CPE: variants seen among roughly 807,000 people sequenced by gnomAD.
CPE encodes the protein carbocypeptidase E.
A neutral mutation model predicts 53.5 loss-of-function variants in CPE; 17 were observed. The ratio of observed to expected loss-of-function variants is 0.32; its 90% CI spans 0.22 to 0.48. The LOEUF (loss-of-function observed/expected upper bound fraction) is 0.48, where lower values mean the gene tolerates loss of function less well. Ranked by LOEUF, CPE falls within the 20% of genes least tolerant of loss-of-function variation. The pLI is 0.99. For synonymous variants in CPE, 226 were observed against 228.8 expected (o/e 0.99, Z 0.11); for missense variants, 524 against 614.7 (o/e 0.85, Z 1.56).
chr4:165,434,542 A>T (rs1481466655), intron 1 of CPE, among the ~76,000 whole-genome samples: 1 of 152,272 alleles, frequency 6.6e-6, no homozygotes, highest in East Asian at 1.9e-4. Flanking sequence ...ACTAAATATT[A>T]TATACTCTTT....
In CPE at chr4:165,379,054, G is replaced by A; in HGVS notation, c.-168G>A. The A allele has an allele frequency of 1.9e-6, 1 of 520,364 alleles. No homozygotes were observed. Among genetic ancestry groups the A allele is most frequent in the Non-Finnish European group, 2.8e-6 (1 of 351,094 alleles). 32.2% of individuals were successfully genotyped at this position (520,364 alleles called of 1,614,324 possible). A position where few individuals can be genotyped will look rare whatever the true frequency, so the allele number is the denominator to read the frequency against. ...GCGGCTTTGCCCGTCTCCTCTGGGT[G>A]GCCCCAGTGCGCGGGCTGACACTCA... On this transcript the variant is annotated 5_prime_UTR_variant, in exon 1 of 9. Transcript: ENST00000402744. The surrounding 1 kb of genome is among the most constrained non-coding windows in gnomAD (Gnocchi z 6.0).
In CPE at chr4:165,379,834, G is replaced by C. The variant is rs149172328; in HGVS notation, c.307+306G>C. 2.1e-4 allele frequency among the ~76,000 whole-genome samples: 32 copies of C among 152,140 alleles called. No homozygotes were observed. Among genetic ancestry groups the C allele is most frequent in the African/African-American group, 7.5e-4 (31 of 41,404 alleles). ...AGGCTGGGGTGGCGGGGGATGGGGG[G>C]GATAGCAATACAGAAAAAACAAATC... On this transcript the variant is annotated intron_variant, in intron 1 of 8. Coordinates refer to ENST00000402744, the MANE Select transcript of CPE (RefSeq NM_001873.4). This position sits in a 1 kb window ranked among gnomAD's most constrained non-coding sequence, Gnocchi z 6.0.
At chr4:165,456,125 G>T (rs1016963983) in intron 1 of CPE, among the ~76,000 whole-genome samples, 2 of 152,152 alleles carry the variant, frequency 1.3e-5, no homozygotes, top group African/African-American at 4.8e-5. Flanking sequence ...TGTGAAGGTC[G>T]TCTTGTAGGA....
In CPE at chr4:165,434,047, A is replaced by C. The variant is rs547618480; in HGVS notation, c.308-30343A>C. On this transcript the variant is annotated intron_variant, in intron 1 of 8. Transcript: ENST00000402744. ...GCTCAACCTTCTGTCTTTAGCTTAAATGTTACCTTCTCAGGGAAACCTTCC... is the reference window on the plus strand; with the variant it reads ...GCTCAACCTTCTGTCTTTAGCTTAACTGTTACCTTCTCAGGGAAACCTTCC... Among the ~76,000 whole-genome samples the C allele has an allele frequency of 3.1e-3, 478 of 152,230 alleles. 3 individuals are homozygous for C. Among genetic ancestry groups the C allele is most frequent in the African/African-American group, 0.011 (459 of 41,540 alleles).
At chr4:165,461,376 G>A (rs1271816449) in intron 1 of CPE, among the ~76,000 whole-genome samples, 3 of 151,912 alleles carry the variant, frequency 2.0e-5, no homozygotes, top group Admixed American at 2.0e-4. Context: ...GGAGGGAAAG[G>A]CTGGTGCCTT....
intron 1 of CPE, among the ~76,000 whole-genome samples, chr4:165,400,346 T>C (rs1388956092): frequency 6.6e-6 from 1 of 152,054 alleles, no homozygotes; most frequent in Admixed American, 6.5e-5. Flanking sequence ...GGAGAGAAAG[T>C]GTATCAGGCA....
At chr4:165,470,721 A>G (rs138539767) in intron 3 of CPE, among the ~76,000 whole-genome samples, 1 of 152,192 alleles carries the variant, frequency 6.6e-6, no homozygotes, top group Non-Finnish European at 1.5e-5. Context: ...ACCTACCATA[A>G]CATTTCCCCC....
Position 165,464,598 on chromosome 4 carries a change from G to A in CPE, c.504+12G>A. ...AGGCAGCGTCTCAGGTGAGTGCCAG[G>A]CAGCTCAGATCAGGCGTGCTTTCTT... On this transcript the variant is annotated intron_variant, in intron 2 of 8. Coordinates refer to ENST00000402744, the MANE Select transcript of CPE (RefSeq NM_001873.4). 1 of 1,598,262 alleles carries A rather than the reference G, an allele frequency of 6.3e-7. No individual in the cohort carries two copies. Among genetic ancestry groups the A allele is most frequent in the Non-Finnish European group, 8.5e-7 (1 of 1,171,820 alleles).
chr4:165,450,129 T>A (rs973427203), intron 1 of CPE, among the ~76,000 whole-genome samples: 15 of 152,206 alleles, frequency 9.9e-5, no homozygotes, highest in Non-Finnish European at 1.9e-4. Context: ...ATATTTTATT[T>A]AGCAAAACAT....
rs991438702 is a variant in CPE at position 165,465,254 on chromosome 4, T to C, written c.504+668T>C. 3.9e-5 allele frequency among the ~76,000 whole-genome samples: 6 copies of C among 152,240 alleles called. No homozygotes were observed. In the East Asian group the frequency reaches 1.2e-3, roughly 29 times the overall value. Reference sequence around the variant, plus strand: ...AGTTTAAAATAATTTTCTTAGTCTATGGGAACATGGGAACACATTCAAGTT... The same window carrying C: ...AGTTTAAAATAATTTTCTTAGTCTACGGGAACATGGGAACACATTCAAGTT... On this transcript the variant is annotated intron_variant, in intron 2 of 8. Coordinates refer to ENST00000402744, the MANE Select transcript of CPE (RefSeq NM_001873.4).
intron 3 of CPE, among the ~76,000 whole-genome samples, chr4:165,469,242 G>A (rs901597976): frequency 6.6e-6 from 1 of 152,172 alleles, no homozygotes; most frequent in Non-Finnish European, 1.5e-5. Flanking sequence ...GAGGAAAGGT[G>A]AAGAACTGCT....
intron 1 of CPE, among the ~76,000 whole-genome samples, chr4:165,445,301 T>TTTAGGCA (rs1361493982): frequency 6.6e-6 from 1 of 152,160 alleles, no homozygotes; most frequent in East Asian, 1.9e-4. Flanking sequence ...TTTTTTTTCT[T>TTTAGGCA]TTAGGCACAG....
intron 1 of CPE, among the ~76,000 whole-genome samples, chr4:165,441,500 T>C (rs982421382): frequency 6.6e-6 from 1 of 152,156 alleles, no homozygotes; most frequent in African/African-American, 2.4e-5. Flanking sequence ...CAAGCCAGCT[T>C]CATAGACTCG....
In CPE at chr4:165,405,267, T is replaced by C. The variant is rs143906057; in HGVS notation, c.307+25739T>C. 595 of 942,064 alleles carry C rather than the reference T, an allele frequency of 6.3e-4. 3 individuals are homozygous for C. In the East Asian group the frequency reaches 0.013, roughly 21 times the overall value. The allele number at this position is 942,064 out of a possible 1,614,324, so 58.4% of individuals were successfully genotyped here. On this transcript the variant is annotated intron_variant, in intron 1 of 8. Transcript: ENST00000402744. ...GCTCCCATCATCCCTGCACCAGGAATAGCCAGATGCTTAACATCCTTCTGT... is the reference window on the plus strand; with the variant it reads ...GCTCCCATCATCCCTGCACCAGGAACAGCCAGATGCTTAACATCCTTCTGT...
chr4:165,438,013 A>T (rs557686516), intron 1 of CPE, among the ~76,000 whole-genome samples: 22 of 152,312 alleles, frequency 1.4e-4, no homozygotes, highest in African/African-American at 5.3e-4. Context: ...CCTAGTGTTT[A>T]GATTAAGTTC....
At chr4:165,451,704 C>A (rs1168823343) in intron 1 of CPE, among the ~76,000 whole-genome samples, 1 of 152,040 alleles carries the variant, frequency 6.6e-6, no homozygotes, top group Non-Finnish European at 1.5e-5. Flanking sequence ...GTTGGTCAGG[C>A]TGGTCTCAAA....
intron 3 of CPE, among the ~76,000 whole-genome samples, chr4:165,475,693 C>A (rs182470779): frequency 6.6e-6 from 1 of 152,146 alleles, no homozygotes. Context: ...GTTGAAAAAG[C>A]AGAGGAAACC....
intron 3 of CPE, among the ~76,000 whole-genome samples, chr4:165,476,621 AATT>A (rs1732306536): frequency 2.0e-5 from 3 of 151,748 alleles, no homozygotes; most frequent in Admixed American, 2.0e-4. Flanking sequence ...TGCTGCAACC[AATT>A]ATTATTTTAG....
Position 165,434,236 on chromosome 4 carries a change from A to G in CPE, c.308-30154A>G, listed in dbSNP as rs1043856544. 2.0e-5 allele frequency among the ~76,000 whole-genome samples: 3 copies of G among 152,114 alleles called. No homozygotes were observed. In the South Asian group the frequency reaches 6.2e-4, roughly 32 times the overall value. The stretch of plus-strand genomic sequence containing the variant: ...GTCAGGGAACATGTGGGAGTTTTCA[A>G]CTCCGAATTCTCAACATTTTGTCTA... On this transcript the variant is annotated intron_variant, in intron 1 of 8. Transcript: ENST00000402744.
Sources: gnomAD v4.1 joint callset for allele counts (sites outside exome capture counted in the v4.1 genomes callset) on GRCh38, gnomAD v4.1.1 for gene constraint, Gnocchi (gnomAD v3.1) non-coding constraint, MANE v1.5 for transcripts, NCBI Gene and HGNC (gene_info 2026-07-23, HGNC 2026-07-21) for gene names.